BLTP1: variants seen among roughly 807,000 people sequenced by gnomAD.
BLTP1 encodes the protein bridge-like lipid transfer protein family member 1, also known as fragile site-associated protein.
At chr4:122,353,996 G>A in the BLTP1 span, 11 of 1,613,624 alleles carry the variant, frequency 6.8e-6, no homozygotes, top group South Asian at 1.1e-5. The surrounding 1 kb of genome is among the most constrained non-coding windows in gnomAD (Gnocchi z 4.3). Context: ...GTTCAATTAT[G>A]TTACAGCTAC....
chr4:122,239,603 G>A, the BLTP1 span: 1 of 1,613,924 alleles, frequency 6.2e-7, no homozygotes, highest in African/African-American at 1.3e-5. Context: ...GATCTCCCTT[G>A]AAACGACAAG....
the BLTP1 span, chr4:122,204,765 C>A: frequency 1.8e-6 from 1 of 551,494 alleles, no homozygotes; most frequent in Non-Finnish European, 2.3e-6. Context: ...GTGTTAGACG[C>A]TGTGCTAAAG....
chr4:122,319,990 A>C, the BLTP1 span, among the ~76,000 whole-genome samples: 1 of 152,150 alleles, frequency 6.6e-6, no homozygotes, highest in Non-Finnish European at 1.5e-5. Flanking sequence ...TATCCAATTG[A>C]CTGATGATAT....
At chr4:122,246,327 C>A in the BLTP1 span, 1 of 1,515,890 alleles carries the variant, frequency 6.6e-7, no homozygotes, top group Non-Finnish European at 8.9e-7. Context: ...AAAATTTTTT[C>A]CTGAAAGAGG....
chr4:122,199,763 G>C, the BLTP1 span: 55 of 245,852 alleles, frequency 2.2e-4, no homozygotes, highest in African/African-American at 1.2e-3. Context: ...TAAGTTCTAA[G>C]TAAGATAATT....
the BLTP1 span, chr4:122,316,909 A>C: frequency 7.6e-7 from 1 of 1,315,872 alleles, no homozygotes; most frequent in Non-Finnish European, 1.0e-6. Flanking sequence ...CTAATTTTAG[A>C]ATCATAAGAT....
At chr4:122,297,523 A>G in the BLTP1 span, among the ~76,000 whole-genome samples, 1 of 152,118 alleles carries the variant, frequency 6.6e-6, no homozygotes, top group Non-Finnish European at 1.5e-5. Context: ...TCTGGAAGCA[A>G]AAATACCATT....
chr4:122,240,858 A>G, the BLTP1 span, among the ~76,000 whole-genome samples: 2 of 152,200 alleles, frequency 1.3e-5, no homozygotes, highest in Admixed American at 1.3e-4. Context: ...CTCAAAATAA[A>G]TTTAGGGGTC....
At chr4:122,281,416 A>G in the BLTP1 span, 94 of 1,361,756 alleles carry the variant, frequency 6.9e-5, 1 homozygote, top group East Asian at 1.3e-3. Context: ...CTGATATTGG[A>G]AAGAAAACAT....
chr4:122,229,233 A>C, the BLTP1 span: 6 of 1,602,430 alleles, frequency 3.7e-6, no homozygotes, highest in Non-Finnish European at 5.1e-6. Flanking sequence ...TGTGCTACAA[A>C]TATAAAGGTA....
the BLTP1 span, chr4:122,273,386 G>C: frequency 1.0e-6 from 1 of 984,826 alleles, no homozygotes. Flanking sequence ...TAGGTGGACT[G>C]ACTGCAAATT....
At chr4:122,162,562 A>G in the BLTP1 span, 1 of 985,190 alleles carries the variant, frequency 1.0e-6, no homozygotes, top group Non-Finnish European at 1.2e-6. Flanking sequence ...GATGGGGTGG[A>G]GTTGGGGGAT....
chr4:122,261,905 G>A, the BLTP1 span: 1 of 985,128 alleles, frequency 1.0e-6, no homozygotes, highest in East Asian at 1.1e-4. Context: ...ATTGAAAAGG[G>A]AATAAGCTTT....
At chr4:122,227,040 A>G in the BLTP1 span, 2 of 556,490 alleles carry the variant, frequency 3.6e-6, no homozygotes, top group Admixed American at 4.5e-5. Flanking sequence ...TACAAATTAA[A>G]AAAGAAACAG....
the BLTP1 span, among the ~76,000 whole-genome samples, chr4:122,338,896 T>C: frequency 6.6e-6 from 1 of 152,340 alleles, no homozygotes; most frequent in East Asian, 1.9e-4. Context: ...TTATACATTT[T>C]GATTTTTATA....
the BLTP1 span, among the ~76,000 whole-genome samples, chr4:122,176,398 A>G: frequency 2.0e-5 from 3 of 152,190 alleles, no homozygotes; most frequent in Admixed American, 2.0e-4. Context: ...AATGAGAGGT[A>G]TATACTCTTC....
At chr4:122,250,244 G>A in the BLTP1 span, 3 of 1,079,626 alleles carry the variant, frequency 2.8e-6, no homozygotes, top group East Asian at 2.6e-5. Context: ...TTATAGATTA[G>A]GGCAAAGACT....
the BLTP1 span, chr4:122,190,392 T>C: frequency 1.0e-6 from 1 of 976,200 alleles, no homozygotes; most frequent in Non-Finnish European, 1.2e-6. Context: ...CCATGGTGCC[T>C]GGCCTGTTTT....
the BLTP1 span, chr4:122,226,487 CAG>C: frequency 7.7e-7 from 1 of 1,300,518 alleles, no homozygotes; most frequent in South Asian, 2.0e-5. Context: ...TTCATTTTGA[CAG>C]TGCATTTTGT....
Sources: allele counts gnomAD v4.1 joint callset (sites outside exome capture counted in the v4.1 genomes callset), GRCh38; gene constraint gnomAD v4.1.1; non-coding constraint Gnocchi (gnomAD v3.1); transcripts MANE v1.5; gene names NCBI Gene and HGNC (gene_info 2026-07-23, HGNC 2026-07-21).